RGS6: variants seen among roughly 807,000 people sequenced by gnomAD.
RGS6 encodes the protein regulator of G-protein signaling 6.
A neutral mutation model predicts 78.5 loss-of-function variants in RGS6; 30 were observed. That is an observed-to-expected ratio of 0.38 (90% CI 0.29 to 0.52). RGS6 has a LOEUF of 0.52. RGS6 is among the 20% of genes least tolerant of loss of function. The pLI is 0.85. For synonymous variants in RGS6, 206 were observed against 206.0 expected (o/e 1.00, Z 0.00); for missense variants, 495 against 609.7 (o/e 0.81, Z 1.98).
chr14:72,611,304 T>G, the RGS6 span, among the ~76,000 whole-genome samples: 1 of 152,246 alleles, frequency 6.6e-6, no homozygotes, highest in Non-Finnish European at 1.5e-5. Context: ...TTATTCCTAA[T>G]GCTGTCAACA....
At chr14:72,386,470 G>A (rs780567626) in intron 3 of RGS6, among the ~76,000 whole-genome samples, 5 of 152,262 alleles carry the variant, frequency 3.3e-5, no homozygotes, top group Admixed American at 6.5e-5. Flanking sequence ...CCCTGAAGGC[G>A]GATGTTGCAG....
intron 2 of RGS6, among the ~76,000 whole-genome samples, chr14:72,269,573 T>A (rs1440906269): frequency 2.1e-5 from 2 of 95,280 alleles, no homozygotes; most frequent in Non-Finnish European, 4.0e-5. Context: ...TTAAATTTTT[T>A]TTTTTTTTTT....
At chr14:72,507,624 C>T (rs1194866670) in intron 13 of RGS6, among the ~76,000 whole-genome samples, 3 of 152,220 alleles carry the variant, frequency 2.0e-5, no homozygotes, top group Admixed American at 6.5e-5. Context: ...AATTGCCCTT[C>T]TCCCACTCTT....
At position 72,458,311 on chromosome 14, in the gene RGS6, CT is replaced by C; in HGVS notation, c.277del (p.Tyr93ThrfsTer12). ...TGGGGAGCCTTATCGCTGCCCAGGG[CT>C]ACATCTTTCCAATCTCAGACCATGT... ...HLGSLIAAQGYIFPISDHVLT... is the reference protein window; with the variant it reads ...HLGSLIAAQGXIFPISDHVLT... On this transcript the variant is annotated frameshift_variant, in exon 5 of 18. Transcript: ENST00000553525. LOFTEE classifies it high-confidence loss of function. The C allele has an allele frequency of 6.2e-7, 1 of 1,614,090 alleles. No homozygotes were observed. Among genetic ancestry groups the C allele is most frequent in the Non-Finnish European group, 8.5e-7 (1 of 1,179,954 alleles).
intron 2 of RGS6, among the ~76,000 whole-genome samples, chr14:71,987,073 G>T (rs1352794350): frequency 1.3e-5 from 2 of 152,168 alleles, no homozygotes; most frequent in Non-Finnish European, 1.5e-5. Context: ...CATATTTATA[G>T]GTTTGTGGGA....
At position 72,007,464 on chromosome 14, in the gene RGS6, T is replaced by G. The variant is rs766124095; in HGVS notation, c.84+42589T>G. On this transcript the variant is annotated intron_variant, in intron 2 of 17. Coordinates refer to ENST00000553525, the MANE Select transcript of RGS6 (RefSeq NM_001204424.2). ...AAACCTAAAGATACTAAGACAAGCT[T>G]GTCCAACCCTTGGCCCGCCGGCTGC... 2.9e-4 allele frequency among the ~76,000 whole-genome samples: 44 copies of G among 152,364 alleles called. 1 individual carries two copies. Among genetic ancestry groups the G allele is most frequent in the Admixed American group, 1.6e-3 (24 of 15,312 alleles).
the RGS6 span, among the ~76,000 whole-genome samples, chr14:71,925,048 C>G: frequency 1.3e-5 from 2 of 152,146 alleles, no homozygotes; most frequent in Middle Eastern, 3.2e-3. Flanking sequence ...AACAGTGTAC[C>G]CTTTTTTCCA....
At chr14:72,197,735 A>G (rs886957028) in intron 2 of RGS6, among the ~76,000 whole-genome samples, 1 of 152,118 alleles carries the variant, frequency 6.6e-6, no homozygotes, top group Non-Finnish European at 1.5e-5. Context: ...GCTGGAGGTC[A>G]GCTGGTGTCC....
At chr14:72,388,133 G>T (rs1222019796) in intron 3 of RGS6, among the ~76,000 whole-genome samples, 1 of 152,180 alleles carries the variant, frequency 6.6e-6, no homozygotes, top group African/African-American at 2.4e-5. Context: ...AACAGATGGA[G>T]AATAGTGCTT....
At chr14:72,495,069 C>A in intron 12 of RGS6, 83 bp from the exon 13 acceptor site, 1 of 814,944 alleles carries the variant, frequency 1.2e-6, no homozygotes, top group Non-Finnish European at 2.2e-6. Context: ...TATGTGAAGA[C>A]TGCTATAATG....
intron 2 of RGS6, among the ~76,000 whole-genome samples, chr14:72,238,701 G>C (rs998934129): frequency 9.9e-5 from 15 of 152,232 alleles, no homozygotes; most frequent in African/African-American, 3.6e-4. Context: ...CTTTTGATTG[G>C]CAATCAGAGA....
chr14:71,933,702 A>G (rs534703951), intron 1 of RGS6, among the ~76,000 whole-genome samples: 10 of 152,232 alleles, frequency 6.6e-5, no homozygotes, highest in Non-Finnish European at 1.5e-4. Flanking sequence ...TAGCATTTCT[A>G]TGTTACAAAC....
chr14:71,964,965 T>G (rs2093428397), intron 2 of RGS6, 90 bp downstream of exon 2: 2 of 869,412 alleles, frequency 2.3e-6, no homozygotes, highest in Non-Finnish European at 3.4e-6. Context: ...GTTTTCTGCC[T>G]AAACTGCCTT....
intron 2 of RGS6, among the ~76,000 whole-genome samples, chr14:72,278,200 T>C (rs1595186907): frequency 6.6e-6 from 1 of 152,192 alleles, no homozygotes; most frequent in East Asian, 1.9e-4. Flanking sequence ...GTATTATGAA[T>C]CTCTGAGCAT....
At chr14:71,879,684 CT>C in the RGS6 span, among the ~76,000 whole-genome samples, 1 of 152,086 alleles carries the variant, frequency 6.6e-6, no homozygotes, top group African/African-American at 2.4e-5. Context: ...TGCCTTTCGC[CT>C]TCTACTATGA....
intron 2 of RGS6, among the ~76,000 whole-genome samples, chr14:72,261,109 G>A (rs2058072097): frequency 6.6e-6 from 1 of 152,172 alleles, no homozygotes; most frequent in Non-Finnish European, 1.5e-5. Flanking sequence ...TAGGGAACTT[G>A]GAATAGAGGG....
chr14:72,014,211 T>C (rs1210502455), intron 2 of RGS6, among the ~76,000 whole-genome samples: 1 of 152,196 alleles, frequency 6.6e-6, no homozygotes, highest in African/African-American at 2.4e-5. Flanking sequence ...GACTCTGATA[T>C]TGGATAATGT....
chr14:72,478,330 G>A lies in RGS6; in HGVS notation c.854+1G>A. 1 of 1,599,442 alleles carries A rather than the reference G, an allele frequency of 6.3e-7. No individual in the cohort carries two copies. Among genetic ancestry groups the A allele is most frequent in the Non-Finnish European group, 8.6e-7 (1 of 1,167,410 alleles). The stretch of plus-strand genomic sequence containing the variant: ...TGAAAATGTCCAAAGTGGCTGAAAG[G>A]TATGTTTTCCTTTAATAATATTACT... On this transcript the variant is annotated splice_donor_variant, in intron 12 of 17. Coordinates refer to ENST00000553525, the MANE Select transcript of RGS6 (RefSeq NM_001204424.2). LOFTEE classifies it high-confidence loss of function.
intron 2 of RGS6, among the ~76,000 whole-genome samples, chr14:72,101,286 G>A (rs2095522607): frequency 6.6e-6 from 1 of 152,166 alleles, no homozygotes; most frequent in Non-Finnish European, 1.5e-5. Context: ...CAGGTCTACT[G>A]AGATGTTCTT....
Sources: allele counts gnomAD v4.1 joint callset (sites outside exome capture counted in the v4.1 genomes callset), GRCh38; gene constraint gnomAD v4.1.1; transcripts MANE v1.5; gene names NCBI Gene and HGNC (gene_info 2026-07-23, HGNC 2026-07-21).